Variants in FSHR observed in about 807,000 individuals in gnomAD.
FSHR encodes follicle stimulating hormone receptor.
A neutral mutation model predicts 52.1 loss-of-function variants in FSHR; 46 were observed. The observed-to-expected ratio is 0.88, with a 90% CI of 0.70 to 1.13. The LOEUF is 1.13. Among genes scored for constraint, FSHR ranks in the 50% most tolerant of loss-of-function variants. The pLI is 0.00. For missense variants in FSHR, 964 were observed against 834.6 expected (o/e 1.16, Z -1.91); for synonymous variants, 399 against 309.6 (o/e 1.29, Z -3.03).
At chr2:48,990,294 A>T (rs960136387) in intron 5 of FSHR, among the ~76,000 whole-genome samples, 1 of 152,128 alleles carries the variant, frequency 6.6e-6, no homozygotes, top group Non-Finnish European at 1.5e-5. Flanking sequence ...AAAGCGCTAA[A>T]TAGTGAAAAA....
At chr2:49,021,960 T>C (rs543662400) in intron 2 of FSHR, among the ~76,000 whole-genome samples, 1 of 143,276 alleles carries the variant, frequency 7.0e-6, no homozygotes, top group African/African-American at 2.6e-5. Context: ...TATTATCTCA[T>C]TCTTTATCCT....
chr2:49,114,232 T>G (rs184356988), intron 1 of FSHR, among the ~76,000 whole-genome samples: 34 of 152,324 alleles, frequency 2.2e-4, no homozygotes, highest in Admixed American at 2.0e-3. Flanking sequence ...GAGCCTTTGC[T>G]GGCTTTCACA....
At chr2:48,983,061 C>A (rs1450149368) in intron 7 of FSHR, 37 bp downstream of exon 7, 3 of 1,608,196 alleles carry the variant, frequency 1.9e-6, no homozygotes, top group South Asian at 1.1e-5. Context: ...AGCCATTTCC[C>A]TTTAAATGGC....
At chr2:48,987,992 C>A (rs1411895025) in intron 6 of FSHR, among the ~76,000 whole-genome samples, 1 of 152,112 alleles carries the variant, frequency 6.6e-6, no homozygotes, top group Non-Finnish European at 1.5e-5. Flanking sequence ...TTGTTCCCTC[C>A]ATACATTCAA....
Position 48,962,312 on chromosome 2 carries a change from T to G in FSHR, c.*421A>C. 4.7e-6 allele frequency: 1 copy of G among 213,514 alleles called. No homozygotes were observed. Among genetic ancestry groups the G allele is most frequent in the South Asian group, 7.2e-5 (1 of 13,892 alleles). 13.2% of individuals were successfully genotyped at this position (213,514 alleles called of 1,614,324 possible). A position where few individuals can be genotyped will look rare whatever the true frequency, so the allele number is the denominator to read the frequency against. On this transcript the variant is annotated 3_prime_UTR_variant, in exon 10 of 10. Transcript: ENST00000406846. Reference sequence around the variant, plus strand: ...CTGGGAAATTCTCTGGGAGTCGGAATACCTAATCCTGGCTCTGCCTCTTAC... The same window carrying G: ...CTGGGAAATTCTCTGGGAGTCGGAAGACCTAATCCTGGCTCTGCCTCTTAC...
intron 1 of FSHR, among the ~76,000 whole-genome samples, chr2:49,097,783 A>T (rs898586372): frequency 7.2e-5 from 11 of 152,220 alleles, no homozygotes; most frequent in African/African-American, 2.7e-4. Context: ...TTTTAAACTT[A>T]ATTTTAAATT....
At chr2:49,091,038 A>G (rs1053952287) in intron 1 of FSHR, among the ~76,000 whole-genome samples, 5 of 151,744 alleles carry the variant, frequency 3.3e-5, no homozygotes, top group African/African-American at 1.2e-4. Context: ...TAGGGTTTAC[A>G]AATATTATCT....
At chr2:49,094,923 G>C (rs1247943518) in intron 1 of FSHR, among the ~76,000 whole-genome samples, 3 of 151,694 alleles carry the variant, frequency 2.0e-5, no homozygotes, top group Non-Finnish European at 4.4e-5. Context: ...GAAATGAAGA[G>C]AGAAGACCCA....
At chr2:49,133,421 A>T (rs1180927846) in intron 1 of FSHR, among the ~76,000 whole-genome samples, 1 of 152,170 alleles carries the variant, frequency 6.6e-6, no homozygotes, top group South Asian at 2.1e-4. Flanking sequence ...AATAAAGAGG[A>T]CACAAACAAA....
intron 2 of FSHR, among the ~76,000 whole-genome samples, chr2:49,044,321 G>T (rs2104288772): frequency 6.6e-6 from 1 of 152,226 alleles, no homozygotes; most frequent in East Asian, 1.9e-4. Flanking sequence ...GTTTCTTCCA[G>T]GAACCCTCTC....
intron 1 of FSHR, among the ~76,000 whole-genome samples, chr2:49,140,250 A>G (rs1672631848): frequency 6.6e-6 from 1 of 152,010 alleles, no homozygotes; most frequent in Admixed American, 6.6e-5. Flanking sequence ...GTGATAAGTG[A>G]GCTGTTGGCT....
chr2:49,079,871 C>T (rs1670102247), intron 1 of FSHR, among the ~76,000 whole-genome samples: 2 of 152,060 alleles, frequency 1.3e-5, no homozygotes, highest in Non-Finnish European at 2.9e-5. Context: ...AATTTAAGTA[C>T]ACTAAACTTA....
chr2:48,962,982 C>T lies in FSHR; in HGVS notation c.1839G>A (p.Leu613=), dbSNP rs750260076. ...TGGCACAGGAGTTGATGGGGTGAAA[C>T]AGAACCAGCAGAATCTTTGCTTTGG... ...TVSKAKILLV[L]FHPINSCANP... is the part of the protein sequence containing the mutation. The change falls in exon 10 of 10, where the codon CTG becomes CTA. Residue 613 remains leucine (L), a synonymous_variant. Transcript: ENST00000406846. 6.2e-7 allele frequency: 1 copy of T among 1,614,102 alleles called. No individual in the cohort carries two copies. The highest frequency in any genetic ancestry group is 8.5e-7 in the Non-Finnish European group (1 of 1,180,008).
At chr2:48,965,229 A>G (rs906460450) in intron 9 of FSHR, among the ~76,000 whole-genome samples, 1 of 152,134 alleles carries the variant, frequency 6.6e-6, no homozygotes, top group Non-Finnish European at 1.5e-5. Flanking sequence ...GTTCCAACCT[A>G]TTATACAGGG....
At chr2:49,030,265 A>G (rs1289102451) in intron 2 of FSHR, among the ~76,000 whole-genome samples, 1 of 142,772 alleles carries the variant, frequency 7.0e-6, no homozygotes, top group East Asian at 2.1e-4. Context: ...TGCTAAAGGA[A>G]TAGCAAGTGT....
chr2:49,126,251 T>C (rs1023310874), intron 1 of FSHR, among the ~76,000 whole-genome samples: 23 of 151,768 alleles, frequency 1.5e-4, no homozygotes, highest in African/African-American at 5.3e-4. Context: ...GTCAAGGGCC[T>C]TTGTGCTTCC....
At chr2:49,050,777 A>G (rs1668827676) in intron 2 of FSHR, among the ~76,000 whole-genome samples, 1 of 152,160 alleles carries the variant, frequency 6.6e-6, no homozygotes, top group African/African-American at 2.4e-5. Flanking sequence ...GTATAATTTG[A>G]CAAATAATAA....
rs1573032706 is a variant in FSHR, at chr2:48,976,924, C to CA, written c.668+5987dup. Among the ~76,000 whole-genome samples the CA allele has an allele frequency of 2.0e-5, 3 of 151,888 alleles. No individual in the cohort carries two copies. The South Asian group carries it at 6.3e-4, about 32-fold the overall frequency. On this transcript the variant is annotated intron_variant, in intron 8 of 9. Transcript: ENST00000406846. ...GTCTGTTTATTTTGTTATTCTCTTC[C>CA]AAAAGCCAGCTCCTGGATTTACTGA...
chr2:49,010,705 A>C (rs1189609473), intron 4 of FSHR, among the ~76,000 whole-genome samples: 1 of 151,900 alleles, frequency 6.6e-6, no homozygotes, highest in Admixed American at 6.6e-5. Context: ...ACAATTTCAG[A>C]TCCTGTTATT....
Sources: gnomAD v4.1 joint callset for allele counts (sites outside exome capture counted in the v4.1 genomes callset) on GRCh38, gnomAD v4.1.1 for gene constraint, MANE v1.5 for transcripts, NCBI Gene and HGNC (gene_info 2026-07-23, HGNC 2026-07-21) for gene names.